The following PLXNA2 variants were observed in gnomAD, a reference collection of about 807,000 sequenced individuals.
PLXNA2 encodes plexin-A2.
Under a neutral mutation model 193.5 loss-of-function variants are expected in PLXNA2, and 91 were observed. The ratio of observed to expected loss-of-function variants is 0.47; its 90% CI spans 0.40 to 0.56. PLXNA2 has a LOEUF of 0.56. Among genes scored for constraint, PLXNA2 ranks in the 20% least tolerant of loss-of-function variants. The probability of loss-of-function intolerance (pLI) is 0.00; values close to 1 mark genes in which losing one functional copy is unlikely to be tolerated. For missense variants in PLXNA2, 1,995 were observed against 2,503.2 expected (o/e 0.80, Z 4.33); for synonymous variants, 997 against 1,027.3 (o/e 0.97, Z 0.56).
intron 4 of PLXNA2, among the ~76,000 whole-genome samples, chr1:208,134,469 A>G (rs1171656825): frequency 2.0e-5 from 3 of 152,190 alleles, no homozygotes; most frequent in African/African-American, 7.2e-5. Context: ...GGGGTCCTGC[A>G]TCCTTAACCA....
intron 3 of PLXNA2, among the ~76,000 whole-genome samples, chr1:208,197,381 C>G (rs1670393913): frequency 6.6e-6 from 1 of 152,240 alleles, no homozygotes; most frequent in African/African-American, 2.4e-5. Context: ...GGGGCACTGA[C>G]AGTCACCGAA....
At chr1:208,075,549 G>A (rs573172023) in intron 12 of PLXNA2, among the ~76,000 whole-genome samples, 5 of 152,200 alleles carry the variant, frequency 3.3e-5, no homozygotes, top group African/African-American at 9.6e-5. Context: ...TAATTAACAA[G>A]TATCTTATGG....
At chr1:208,144,590 C>T (rs909726942) in intron 3 of PLXNA2, among the ~76,000 whole-genome samples, 1 of 152,164 alleles carries the variant, frequency 6.6e-6, no homozygotes, top group African/African-American at 2.4e-5. Context: ...GGCAAGGACA[C>T]CATGTTCTCC....
chr1:208,238,312 C>T (rs1392374887), intron 1 of PLXNA2, among the ~76,000 whole-genome samples: 1 of 152,214 alleles, frequency 6.6e-6, no homozygotes, highest in East Asian at 1.9e-4. Context: ...ATCTTTCACC[C>T]TCAAAGTAAT....
chr1:208,167,854 C>A (rs137922147), intron 3 of PLXNA2, among the ~76,000 whole-genome samples: 194 of 152,314 alleles, frequency 1.3e-3, no homozygotes, highest in Non-Finnish European at 1.5e-3. Context: ...TCAGCAGACA[C>A]AAACACAAGC....
rs777240268 is a variant in PLXNA2, at chr1:208,045,124, T to C, written c.3582A>G (p.Val1194=). The stretch of plus-strand genomic sequence containing the variant: ...GCTCGCAGAGAAGCTGGGTCTCAGA[T>C]ACGGTGACAGCACAAGGGGTCTCTC... The part of the protein sequence containing the change: ...LIGETPCAVT[V]SETQLLCEPP... The change falls in exon 19 of 32, where the codon GTA becomes GTG. Residue 1194 remains valine, a synonymous_variant. Coordinates refer to ENST00000367033, the MANE Select transcript of PLXNA2 (RefSeq NM_025179.4). 4 of 1,614,022 alleles carry C rather than the reference T, an allele frequency of 2.5e-6. No homozygotes were observed. Among genetic ancestry groups the C allele is most frequent in the African/African-American group, 2.7e-5 (2 of 74,900 alleles).
intron 12 of PLXNA2, among the ~76,000 whole-genome samples, chr1:208,067,268 C>T (rs568651252): frequency 4.7e-5 from 7 of 150,018 alleles, no homozygotes; most frequent in East Asian, 2.0e-4. Flanking sequence ...CACTTGAAGC[C>T]GGGAGACAGA....
chr1:208,193,545 T>C (rs554658086), intron 3 of PLXNA2, among the ~76,000 whole-genome samples: 1 of 152,322 alleles, frequency 6.6e-6, no homozygotes, highest in East Asian at 1.9e-4. Flanking sequence ...GGGCAATATA[T>C]GTATATTTAT....
At chr1:208,120,960 A>T (rs768441582) in intron 4 of PLXNA2, among the ~76,000 whole-genome samples, 7 of 152,124 alleles carry the variant, frequency 4.6e-5, no homozygotes, top group Non-Finnish European at 8.8e-5. Flanking sequence ...AGCAGAGAGA[A>T]TGAGCTATGG....
intron 4 of PLXNA2, among the ~76,000 whole-genome samples, chr1:208,110,347 G>C (rs1038426536): frequency 6.6e-6 from 1 of 152,218 alleles, no homozygotes; most frequent in Non-Finnish European, 1.5e-5. Flanking sequence ...TCCCCTGCTG[G>C]GAGCAGGTGA....
At chr1:208,047,221 A>G (rs574929054) in intron 17 of PLXNA2, among the ~76,000 whole-genome samples, 2 of 116,696 alleles carry the variant, frequency 1.7e-5, no homozygotes, top group Non-Finnish European at 3.7e-5. Flanking sequence ...TCGGCCTCCC[A>G]AAGTGCTAGG....
chr1:208,202,593 A>G (rs906610120), intron 3 of PLXNA2, among the ~76,000 whole-genome samples: 5 of 152,100 alleles, frequency 3.3e-5, no homozygotes, highest in African/African-American at 1.2e-4. Context: ...CGACTCAGAG[A>G]TCCAGGTCCA....
In PLXNA2 at chr1:208,094,493, T is replaced by C. The variant is rs551660426; in HGVS notation, c.1982+1536A>G. ...GACAGCATCTGTGTTGCCATAGCAA[T>C]ACATCTTTGAAAGTGGTGACATCAT... On this transcript the variant is annotated intron_variant, in intron 8 of 31. Transcript: ENST00000367033. Among the ~76,000 whole-genome samples the C allele has an allele frequency of 9.9e-5, 15 of 152,248 alleles. No individual in the cohort carries two copies. In the South Asian group the frequency reaches 3.1e-3, roughly 32 times the overall value.
At chr1:208,064,872 C>A (rs924212965) in intron 12 of PLXNA2, among the ~76,000 whole-genome samples, 5 of 152,072 alleles carry the variant, frequency 3.3e-5, no homozygotes, top group African/African-American at 1.2e-4. Flanking sequence ...AATCCCCCGA[C>A]CCCCACCAGC....
At chr1:208,222,533 T>A (rs1270485276) in intron 1 of PLXNA2, among the ~76,000 whole-genome samples, 2 of 152,112 alleles carry the variant, frequency 1.3e-5, no homozygotes, top group Non-Finnish European at 2.9e-5. Flanking sequence ...GATGACACCA[T>A]CTCCCCGATC....
At chr1:208,095,962 A>G (rs1296148099) in intron 8 of PLXNA2, 67 bp downstream of exon 8, 40 of 1,223,698 alleles carry the variant, frequency 3.3e-5, no homozygotes, top group Middle Eastern at 1.9e-4. Flanking sequence ...GGAGCTTAGC[A>G]TCGAGGGGAA....
rs1172344239 is a variant in PLXNA2 at position 208,027,043 on chromosome 1, C to G, written c.*200G>C. 9.5e-6 allele frequency: 5 copies of G among 525,018 alleles called. No individual in the cohort carries two copies. The East Asian group carries it at 1.6e-4, about 17-fold the overall frequency. The allele number at this position is 525,018 out of a possible 1,614,324, so 32.5% of individuals were successfully genotyped here. On this transcript the variant is annotated 3_prime_UTR_variant, in exon 32 of 32. Transcript: ENST00000367033. ...GTGTTCTCACTGAGGATGGACGACG[C>G]CCACTGTCTCTCCCAGCTGGAACTG...
Position 208,173,285 on chromosome 1 carries a change from G to A in PLXNA2, c.1372-30822C>T, listed in dbSNP as rs553590727. Among the ~76,000 whole-genome samples the A allele has an allele frequency of 5.3e-5, 8 of 152,240 alleles. No individual in the cohort carries two copies. In the South Asian group the frequency reaches 6.2e-4, roughly 12 times the overall value. ...GTATTAATGCCTTTACTGCCATATC[G>A]AGGATGTTGGATTAGTGAGCCTTTG... is the stretch of plus-strand genomic sequence containing the variant. On this transcript the variant is annotated intron_variant, in intron 3 of 31. Coordinates refer to ENST00000367033, the MANE Select transcript of PLXNA2 (RefSeq NM_025179.4).
At chr1:208,214,944 GCTCTCTCTCTCTTC>G (rs1671077435) in intron 2 of PLXNA2, among the ~76,000 whole-genome samples, 1 of 151,620 alleles carries the variant, frequency 6.6e-6, no homozygotes, top group South Asian at 2.1e-4. Context: ...GCTGTCTCTA[GCTCTCTCTCTCTTC>G]CTCTCTCTCT....
Sources: gnomAD v4.1 joint callset for allele counts (sites outside exome capture counted in the v4.1 genomes callset) on GRCh38, gnomAD v4.1.1 for gene constraint, MANE v1.5 for transcripts, NCBI Gene and HGNC (gene_info 2026-07-23, HGNC 2026-07-21) for gene names.